Variants in DYM observed in about 807,000 individuals in gnomAD.
DYM encodes the protein dyggve-Melchior-Clausen syndrome protein.
DYM carries 78 observed loss-of-function variants against 93.1 expected under a neutral mutation model. That is an observed-to-expected ratio of 0.84 (90% CI 0.70 to 1.01). The LOEUF (loss-of-function observed/expected upper bound fraction) is 1.01, where lower values mean the gene tolerates loss of function less well. DYM is among the 50% of genes least tolerant of loss of function. The probability of loss-of-function intolerance (pLI) is 0.00; values close to 1 mark genes in which losing one functional copy is unlikely to be tolerated. For missense variants in DYM, 789 were observed against 845.0 expected (o/e 0.93, Z 0.82); for synonymous variants, 321 against 319.7 (o/e 1.00, Z -0.04).
At chr18:49,248,605 T>C (rs2094218479) in intron 13 of DYM, among the ~76,000 whole-genome samples, 1 of 151,714 alleles carries the variant, frequency 6.6e-6, no homozygotes, top group African/African-American at 2.4e-5. Context: ...CTAACAATAA[T>C]ATGAGGTTGA....
intron 8 of DYM, among the ~76,000 whole-genome samples, chr18:49,287,180 C>T (rs2059720634): frequency 6.6e-6 from 1 of 151,834 alleles, no homozygotes; most frequent in South Asian, 2.1e-4. Context: ...GAGTGAGACT[C>T]ATCTCAAAAA....
chr18:49,294,190 C>T lies in DYM; in HGVS notation c.764-7574G>A, dbSNP rs533607289. On this transcript the variant is annotated intron_variant, in intron 8 of 17. Transcript: ENST00000675505. ...ATTGGTCCATGTATCTGTTTTGGTA[C>T]CAGTACCATGCTGTTTTGGTTACTG... Among the ~76,000 whole-genome samples the T allele has an allele frequency of 2.1e-5, 3 of 140,794 alleles. No homozygotes were observed. The East Asian group carries it at 6.9e-4, about 32-fold the overall frequency. 92.4% of individuals were successfully genotyped at this position (140,794 alleles called of 152,430 possible). A position where few individuals can be genotyped will look rare whatever the true frequency, so the allele number is the denominator to read the frequency against.
chr18:49,413,118 T>A (rs1012206084), intron 2 of DYM: 1 of 152,246 alleles, frequency 6.6e-6, no homozygotes, highest in Non-Finnish European at 1.5e-5. Context: ...AGCTCTTTAG[T>A]ACTTACATGA....
intron 6 of DYM, among the ~76,000 whole-genome samples, chr18:49,346,440 C>T (rs1480414197): frequency 1.3e-5 from 2 of 152,050 alleles, no homozygotes; most frequent in African/African-American, 4.8e-5. Flanking sequence ...AGACAGAAGG[C>T]AGATGAGTGG....
chr18:49,156,235 A>C (rs1001550841), intron 15 of DYM, among the ~76,000 whole-genome samples: 1 of 152,196 alleles, frequency 6.6e-6, no homozygotes, highest in East Asian at 1.9e-4. Context: ...TAAAAAATGC[A>C]GTAAAAATTT....
intron 15 of DYM, among the ~76,000 whole-genome samples, chr18:49,163,291 A>G (rs1041446741): frequency 7.9e-5 from 12 of 152,140 alleles, no homozygotes; most frequent in African/African-American, 2.4e-4. Context: ...GCACAGTAAA[A>G]TCTTGAGAAG....
chr18:49,189,046 A>G (rs889517064), intron 14 of DYM, among the ~76,000 whole-genome samples: 10 of 152,036 alleles, frequency 6.6e-5, no homozygotes, highest in Admixed American at 2.0e-4. Context: ...TAGGTGAATT[A>G]ACACAGAAAA....
intron 17 of DYM, among the ~76,000 whole-genome samples, chr18:49,047,903 C>T (rs943001887): frequency 6.6e-6 from 1 of 152,210 alleles, no homozygotes; most frequent in Non-Finnish European, 1.5e-5. Flanking sequence ...GCTCCCACGG[C>T]ATCCTGGTCA....
chr18:49,104,581 C>T (rs1480943694), intron 16 of DYM, among the ~76,000 whole-genome samples: 4 of 152,080 alleles, frequency 2.6e-5, no homozygotes, highest in African/African-American at 7.2e-5. Context: ...TTTTGAGATA[C>T]GTCCCATCAA....
At chr18:49,401,950 C>T (rs1399630111) in intron 2 of DYM, among the ~76,000 whole-genome samples, 1 of 150,822 alleles carries the variant, frequency 6.6e-6, no homozygotes, top group Non-Finnish European at 1.5e-5. Context: ...CACTTGAACC[C>T]GGAAGGTGGA....
In DYM at chr18:49,422,919, G is replaced by C. The variant is rs372873432; in HGVS notation, c.140+7336C>G. Among the ~76,000 whole-genome samples the C allele has an allele frequency of 2.2e-3, 331 of 152,256 alleles. 1 individual carries two copies. The highest frequency in any genetic ancestry group is 7.0e-3 in the South Asian group (34 of 4,828). Reference sequence around the variant, plus strand: ...AAGCAAGTCCTTAGAGACCTACAAAGAGACTTAGACTCCCACACAATAATA... The same window carrying C: ...AAGCAAGTCCTTAGAGACCTACAAACAGACTTAGACTCCCACACAATAATA... On this transcript the variant is annotated intron_variant, in intron 2 of 17. Transcript: ENST00000675505.
chr18:49,180,936 A>C (rs1310659648), intron 14 of DYM, among the ~76,000 whole-genome samples: 2 of 152,180 alleles, frequency 1.3e-5, no homozygotes, highest in African/African-American at 4.8e-5. Context: ...TGGGCTCTGC[A>C]TTGCCAGCTA....
chr18:49,136,232 T>C (rs796720930), intron 15 of DYM, among the ~76,000 whole-genome samples: 2 of 152,230 alleles, frequency 1.3e-5, no homozygotes, highest in African/African-American at 4.8e-5. Context: ...TAGAGTGTAA[T>C]GAAGAATCCT....
intron 14 of DYM, among the ~76,000 whole-genome samples, chr18:49,203,022 T>C (rs1236008690): frequency 4.6e-5 from 1 of 21,890 alleles, no homozygotes; most frequent in Non-Finnish European, 1.1e-4. Flanking sequence ...GCCCCCCGCC[T>C]GGCCGGCCGT....
chr18:49,142,771 C>A (rs1480829895), intron 15 of DYM, among the ~76,000 whole-genome samples: 1 of 152,144 alleles, frequency 6.6e-6, no homozygotes, highest in Non-Finnish European at 1.5e-5. Flanking sequence ...CTGGGCATCA[C>A]TTACCAGTTA....
At chr18:49,176,155 T>C (rs2089347165) in intron 14 of DYM, among the ~76,000 whole-genome samples, 1 of 152,086 alleles carries the variant, frequency 6.6e-6, no homozygotes, top group African/African-American at 2.4e-5. Flanking sequence ...AGTCAAAATG[T>C]GGAAGACATA....
intron 6 of DYM, among the ~76,000 whole-genome samples, chr18:49,350,642 G>A (rs2065027433): frequency 1.3e-5 from 2 of 150,044 alleles, no homozygotes; most frequent in South Asian, 4.2e-4. Flanking sequence ...GGAGGCGGAG[G>A]TTGCAGTGAG....
intron 17 of DYM, among the ~76,000 whole-genome samples, chr18:49,044,725 C>T (rs1213518329): frequency 6.6e-6 from 1 of 152,238 alleles, no homozygotes; most frequent in Non-Finnish European, 1.5e-5. Context: ...CTGGGGTGGC[C>T]AGCTTTCTTG....
At chr18:49,122,992 T>C (rs947911000) in intron 15 of DYM, among the ~76,000 whole-genome samples, 4 of 152,222 alleles carry the variant, frequency 2.6e-5, no homozygotes, top group African/African-American at 9.6e-5. Context: ...TATTTTTCAT[T>C]TTAAGCTTTC....
Sources: gnomAD v4.1 joint callset for allele counts (sites outside exome capture counted in the v4.1 genomes callset) on GRCh38, gnomAD v4.1.1 for gene constraint, MANE v1.5 for transcripts, NCBI Gene and HGNC (gene_info 2026-07-23, HGNC 2026-07-21) for gene names.